Variants in GALNTL6 observed in about 807,000 individuals in gnomAD.
GALNTL6 encodes polypeptide N-acetylgalactosaminyltransferase-like 6.
Under a neutral mutation model 73.7 loss-of-function variants are expected in GALNTL6, and 46 were observed. The observed-to-expected ratio is 0.62, with a 90% CI of 0.49 to 0.80. GALNTL6 has a LOEUF of 0.80. Among genes scored for constraint, GALNTL6 ranks in the 30% least tolerant of loss-of-function variants. The probability of loss-of-function intolerance (pLI) is 0.00; values close to 1 mark genes in which losing one functional copy is unlikely to be tolerated. For missense variants in GALNTL6, 604 were observed against 755.0 expected (o/e 0.80, Z 2.34); for synonymous variants, 259 against 263.7 (o/e 0.98, Z 0.17).
At chr4:172,443,121 CATATAT>C (rs4048464) in intron 5 of GALNTL6, among the ~76,000 whole-genome samples, 4,234 of 51,852 alleles carry the variant, frequency 0.082, 83 homozygotes, top group African/African-American at 0.088. Flanking sequence ...GATCCATATA[CATATAT>C]ATATATATAT....
intron 5 of GALNTL6, among the ~76,000 whole-genome samples, chr4:172,731,211 G>A (rs1736131273): frequency 1.3e-5 from 2 of 152,058 alleles, no homozygotes; most frequent in Non-Finnish European, 2.9e-5. Context: ...CTTTATTACA[G>A]CTTTGATCTA....
At chr4:172,209,221 T>G (rs836304) in intron 2 of GALNTL6, among the ~76,000 whole-genome samples, 1 of 152,038 alleles carries the variant, frequency 6.6e-6, no homozygotes, top group Non-Finnish European at 1.5e-5. Context: ...ACTTCTGATG[T>G]GAACAATTTC....
At chr4:173,009,076 A>G in intron 10 of GALNTL6, 102 bp from the exon 11 acceptor site, 1 of 781,426 alleles carries the variant, frequency 1.3e-6, no homozygotes, top group East Asian at 2.5e-5. Context: ...CATGTAACCA[A>G]AAAGATAATC....
intron 5 of GALNTL6, among the ~76,000 whole-genome samples, chr4:172,565,723 C>T (rs1296332053): frequency 6.7e-6 from 1 of 149,916 alleles, no homozygotes; most frequent in Non-Finnish European, 1.5e-5. Flanking sequence ...ACCAGTGAGC[C>T]ATCTGATCCT....
At chr4:172,213,014 A>G (rs1736380813) in intron 2 of GALNTL6, among the ~76,000 whole-genome samples, 1 of 152,162 alleles carries the variant, frequency 6.6e-6, no homozygotes. Context: ...CATTTCCTAA[A>G]GTATCACATA....
intron 5 of GALNTL6, among the ~76,000 whole-genome samples, chr4:172,396,674 A>G (rs1394991212): frequency 6.6e-6 from 1 of 152,182 alleles, no homozygotes; most frequent in Non-Finnish European, 1.5e-5. Context: ...TTGCAGTCCT[A>G]ACTTCTAGGA....
At chr4:172,346,964 T>TTTTTC (rs142703369) in intron 4 of GALNTL6, among the ~76,000 whole-genome samples, 14,900 of 149,580 alleles carry the variant, frequency 0.1, 797 homozygotes, top group East Asian at 0.17. Context: ...CCTATTGATT[T>TTTTTC]TTTTCTTTTC....
chr4:171,894,054 C>CT (rs1736832920), intron 2 of GALNTL6, among the ~76,000 whole-genome samples: 1 of 147,134 alleles, frequency 6.8e-6, no homozygotes, highest in South Asian at 2.1e-4. Context: ...GAAGTTTAGA[C>CT]GTGCAGTTGC....
intron 5 of GALNTL6, among the ~76,000 whole-genome samples, chr4:172,749,188 C>A (rs549640237): frequency 1.4e-4 from 21 of 151,594 alleles, no homozygotes; most frequent in African/African-American, 4.8e-4. Flanking sequence ...AAAAAGATAA[C>A]CACAAAAAAG....
At chr4:172,112,675 TTGTGTTCCC>T (rs1409872876) in intron 2 of GALNTL6, among the ~76,000 whole-genome samples, 2 of 152,012 alleles carry the variant, frequency 1.3e-5, no homozygotes, top group Non-Finnish European at 1.5e-5. Context: ...CATTAAATAT[TTGTGTTCCC>T]CCAAAATCCA....
At chr4:172,020,492 C>T (rs1162647921) in intron 2 of GALNTL6, among the ~76,000 whole-genome samples, 2 of 150,972 alleles carry the variant, frequency 1.3e-5, no homozygotes, top group Non-Finnish European at 3.0e-5. Context: ...ACAATTGATA[C>T]TGTAGAAATT....
At chr4:172,949,062 C>T (rs1749312719) in intron 9 of GALNTL6, among the ~76,000 whole-genome samples, 1 of 152,180 alleles carries the variant, frequency 6.6e-6, no homozygotes, top group Admixed American at 6.5e-5. Flanking sequence ...TCCAAAGCAA[C>T]AATTTACCAT....
intron 5 of GALNTL6, among the ~76,000 whole-genome samples, chr4:172,582,474 T>C (rs1361701080): frequency 1.3e-5 from 2 of 152,294 alleles, no homozygotes; most frequent in East Asian, 3.9e-4. Flanking sequence ...GGGTTCCACA[T>C]GGATGGATTC....
chr4:172,741,247 AC>A, intron 5 of GALNTL6, among the ~76,000 whole-genome samples: 1 of 152,202 alleles, frequency 6.6e-6, no homozygotes. Context: ...GGGTGATGCC[AC>A]CTGGTGCTTT....
At chr4:172,541,476 G>A (rs1376421687) in intron 5 of GALNTL6, among the ~76,000 whole-genome samples, 1 of 152,130 alleles carries the variant, frequency 6.6e-6, no homozygotes, top group East Asian at 1.9e-4. Context: ...TTCAACTAGG[G>A]CATAAGACAG....
intron 2 of GALNTL6, among the ~76,000 whole-genome samples, chr4:172,189,738 G>A (rs2110875146): frequency 6.6e-6 from 1 of 152,042 alleles, no homozygotes; most frequent in South Asian, 2.1e-4. Flanking sequence ...TTTGCTTTCT[G>A]CAAAATTATT....
intron 5 of GALNTL6, among the ~76,000 whole-genome samples, chr4:172,412,165 T>A (rs1744466463): frequency 6.6e-6 from 1 of 152,086 alleles, no homozygotes; most frequent in African/African-American, 2.4e-5. Flanking sequence ...TGCCTCAGCC[T>A]CCCAAGTGCC....
chr4:172,063,515 G>A (rs1329543024), intron 2 of GALNTL6, among the ~76,000 whole-genome samples: 1 of 151,758 alleles, frequency 6.6e-6, no homozygotes, highest in African/African-American at 2.4e-5. Context: ...TTTTCTAAAT[G>A]TATATGACTC....
At chr4:172,206,754 A>G (rs951900318) in intron 2 of GALNTL6, among the ~76,000 whole-genome samples, 3 of 149,316 alleles carry the variant, frequency 2.0e-5, no homozygotes, top group African/African-American at 7.4e-5. Context: ...AACAGAATGC[A>G]TATCAGAGCA....
Sources: allele counts gnomAD v4.1 joint callset (sites outside exome capture counted in the v4.1 genomes callset), GRCh38; gene constraint gnomAD v4.1.1; transcripts MANE v1.5; gene names NCBI Gene and HGNC (gene_info 2026-07-23, HGNC 2026-07-21).